Variants in CA10 observed in about 807,000 individuals in gnomAD.
CA10 encodes carbonic anhydrase 10 (inactive).
A neutral mutation model predicts 44.2 loss-of-function variants in CA10; 14 were observed. That is an observed-to-expected ratio of 0.32 (90% CI 0.21 to 0.50). The LOEUF (loss-of-function observed/expected upper bound fraction) is 0.50. Among genes scored for constraint, CA10 ranks in the 20% least tolerant of loss-of-function variants. The probability of loss-of-function intolerance (pLI) is 0.99; values close to 1 mark genes in which losing one functional copy is unlikely to be tolerated. For synonymous variants in CA10, 159 were observed against 141.6 expected (o/e 1.12, Z -0.87); for missense variants, 350 against 409.7 (o/e 0.85, Z 1.26).
chr17:52,078,805 A>G (rs1987885839), intron 1 of CA10, among the ~76,000 whole-genome samples: 1 of 152,170 alleles, frequency 6.6e-6, no homozygotes, highest in South Asian at 2.1e-4. Flanking sequence ...ACTAACGGGG[A>G]TAATGCCCTT....
At chr17:51,650,430 G>T (rs572006138) in intron 5 of CA10, among the ~76,000 whole-genome samples, 1 of 152,312 alleles carries the variant, frequency 6.6e-6, no homozygotes, top group East Asian at 1.9e-4. Context: ...TTAGCTTGGA[G>T]AAAGCACAGA....
intron 3 of CA10, among the ~76,000 whole-genome samples, chr17:51,922,923 T>C (rs925462197): frequency 2.0e-5 from 3 of 152,166 alleles, no homozygotes; most frequent in African/African-American, 7.2e-5. Flanking sequence ...TTGGTTAGAA[T>C]TAAATAACCA....
At chr17:51,676,696 A>G in intron 4 of CA10, among the ~76,000 whole-genome samples, 1 of 152,326 alleles carries the variant, frequency 6.6e-6, no homozygotes, top group East Asian at 1.9e-4. Context: ...TAACTTAAAT[A>G]CAGTGAATCA....
chr17:51,654,005 C>T (rs190671417), intron 4 of CA10, among the ~76,000 whole-genome samples: 1 of 152,350 alleles, frequency 6.6e-6, no homozygotes, highest in East Asian at 1.9e-4. Context: ...GGCTCTGGCT[C>T]CATCCCAGGA....
chr17:52,050,911 T>G (rs1987046534), intron 2 of CA10, among the ~76,000 whole-genome samples: 1 of 152,018 alleles, frequency 6.6e-6, no homozygotes, highest in South Asian at 2.1e-4. Context: ...CATATTTGTT[T>G]TGTTCACTGC....
At chr17:51,647,335 C>T (rs1284510299) in intron 6 of CA10, among the ~76,000 whole-genome samples, 1 of 152,192 alleles carries the variant, frequency 6.6e-6, no homozygotes, top group African/African-American at 2.4e-5. Flanking sequence ...CAGAGTTCCT[C>T]CCTCTGAACT....
At chr17:52,098,480 A>G (rs1988458190) in intron 1 of CA10, among the ~76,000 whole-genome samples, 1 of 152,192 alleles carries the variant, frequency 6.6e-6, no homozygotes, top group South Asian at 2.1e-4. Context: ...ATTCTGACCC[A>G]ACAATAACGA....
chr17:51,700,758 A>G (rs1422203326), intron 4 of CA10, among the ~76,000 whole-genome samples: 1 of 152,112 alleles, frequency 6.6e-6, no homozygotes, highest in Non-Finnish European at 1.5e-5. Context: ...TCGGAACACC[A>G]CAAACTGAGG....
At chr17:51,634,927 C>T (rs2143208865) in intron 7 of CA10, among the ~76,000 whole-genome samples, 1 of 152,218 alleles carries the variant, frequency 6.6e-6, no homozygotes, top group South Asian at 2.1e-4. Flanking sequence ...CTATCTTTTC[C>T]CACTGAGACA....
intron 4 of CA10, among the ~76,000 whole-genome samples, chr17:51,716,366 G>A (rs920647243): frequency 2.6e-5 from 4 of 152,124 alleles, no homozygotes; most frequent in Non-Finnish European, 5.9e-5. Flanking sequence ...GTATTTTTGG[G>A]AGAAGCACAC....
intron 2 of CA10, among the ~76,000 whole-genome samples, chr17:51,938,902 A>C (rs1982968650): frequency 2.6e-5 from 4 of 152,212 alleles, no homozygotes; most frequent in African/African-American, 9.6e-5. Flanking sequence ...CCAGTAGGTT[A>C]GGGAACTAGA....
intron 4 of CA10, among the ~76,000 whole-genome samples, chr17:51,658,855 G>A (rs767052192): frequency 1.2e-4 from 19 of 152,056 alleles, no homozygotes; most frequent in African/African-American, 3.4e-4. Context: ...CAATTCCTGC[G>A]ACTATTTGAG....
chr17:51,816,720 T>C (rs888035669), intron 3 of CA10, among the ~76,000 whole-genome samples: 1 of 152,262 alleles, frequency 6.6e-6, no homozygotes, highest in Non-Finnish European at 1.5e-5. Flanking sequence ...GATCTTGTTT[T>C]ATAATGCATT....
intron 4 of CA10, among the ~76,000 whole-genome samples, chr17:51,686,094 C>T (rs897357446): frequency 6.0e-5 from 9 of 149,538 alleles, no homozygotes; most frequent in African/African-American, 2.3e-4. Flanking sequence ...TCGGGGGGGG[C>T]GTCTGTTTCC....
At chr17:51,839,647 C>T (rs888489254) in intron 3 of CA10, among the ~76,000 whole-genome samples, 1 of 151,350 alleles carries the variant, frequency 6.6e-6, no homozygotes, top group African/African-American at 2.4e-5. Context: ...GATAACTAGA[C>T]ATATAAAGTA....
intron 1 of CA10, among the ~76,000 whole-genome samples, chr17:52,111,762 A>G (rs149934122): frequency 1.3e-5 from 2 of 152,298 alleles, no homozygotes; most frequent in African/African-American, 4.8e-5. Flanking sequence ...TATCAACTTT[A>G]TGTTCAGTGC....
At chr17:52,074,458 A>G (rs1987764655) in intron 1 of CA10, among the ~76,000 whole-genome samples, 1 of 152,198 alleles carries the variant, frequency 6.6e-6, no homozygotes, top group Admixed American at 6.5e-5. Context: ...AAAAACTCAC[A>G]CCAAGTTTTA....
intron 4 of CA10, among the ~76,000 whole-genome samples, chr17:51,664,557 C>CAA (rs11367609): frequency 4.2e-4 from 57 of 137,180 alleles, no homozygotes; most frequent in African/African-American, 1.3e-3. Context: ...ATGAAGTATA[C>CAA]AAAAAAAAAA....
chr17:51,690,549 T>A (rs190648848), intron 4 of CA10, among the ~76,000 whole-genome samples: 2 of 152,286 alleles, frequency 1.3e-5, no homozygotes, highest in East Asian at 3.9e-4. Flanking sequence ...GGTAATCGAA[T>A]CATGGGGATG....
Sources: allele counts gnomAD v4.1 joint callset (sites outside exome capture counted in the v4.1 genomes callset), GRCh38; gene constraint gnomAD v4.1.1; transcripts MANE v1.5; gene names NCBI Gene and HGNC (gene_info 2026-07-23, HGNC 2026-07-21).